The following XPNPEP1 variants were observed in gnomAD, a reference collection of about 807,000 sequenced individuals.
XPNPEP1 encodes the protein X-prolyl aminopeptidase 1, also known as xaa-Pro aminopeptidase 1.
Under a neutral mutation model 92.4 loss-of-function variants are expected in XPNPEP1, and 39 were observed. The observed-to-expected ratio is 0.42, with a 90% CI of 0.33 to 0.55. The LOEUF (loss-of-function observed/expected upper bound fraction) is 0.55. XPNPEP1 is among the 20% of genes least tolerant of loss of function. The pLI is 0.08. For missense variants in XPNPEP1, 654 were observed against 856.1 expected (o/e 0.76, Z 2.95); for synonymous variants, 307 against 299.4 (o/e 1.03, Z -0.26).
Position 109,895,680 on chromosome 10 carries a change from C to T in XPNPEP1, c.247-2605G>A, listed in dbSNP as rs146664295. On this transcript the variant is annotated intron_variant, in intron 3 of 20. Coordinates refer to ENST00000502935, the MANE Select transcript of XPNPEP1 (RefSeq NM_020383.4). ...CAGGGGCGGTCTCCTTAGAACACAG[C>T]ATAGGGCCTAAAATAAACCAAAGCT... Among the ~76,000 whole-genome samples, 49 of 152,362 alleles carry T rather than the reference C, an allele frequency of 3.2e-4. No individual in the cohort carries two copies. The East Asian group carries it at 9.5e-3, about 29-fold the overall frequency.
At chr10:109,920,167 T>C (rs972308000) in intron 1 of XPNPEP1, among the ~76,000 whole-genome samples, 1 of 152,144 alleles carries the variant, frequency 6.6e-6, no homozygotes. Context: ...ATGTCCAGAA[T>C]AGGCAAATCG....
chr10:109,919,116 G>A lies in XPNPEP1; in HGVS notation c.33-4017C>T, dbSNP rs193250079. Among the ~76,000 whole-genome samples, 4 of 152,198 alleles carry A rather than the reference G, an allele frequency of 2.6e-5. No individual in the cohort carries two copies. The East Asian group carries it at 7.7e-4, about 29-fold the overall frequency. On this transcript the variant is annotated intron_variant, in intron 1 of 20. Transcript: ENST00000502935. ...CTTTAGACACAAATCAAAAAGCACA[G>A]CAACAAAAGAAAAAAGAGATACACT... is the stretch of plus-strand genomic sequence containing the variant.
chr10:109,898,419 T>C (rs199752238), intron 3 of XPNPEP1, among the ~76,000 whole-genome samples: 1 of 152,316 alleles, frequency 6.6e-6, no homozygotes, highest in East Asian at 1.9e-4. Flanking sequence ...TTAACACTAA[T>C]AAACAGCCAT....
At chr10:109,911,894 T>C (rs1208133175) in intron 2 of XPNPEP1, among the ~76,000 whole-genome samples, 1 of 152,218 alleles carries the variant, frequency 6.6e-6, no homozygotes, top group Non-Finnish European at 1.5e-5. Context: ...TGACTGGGTG[T>C]TTAGTGCTGA....
chr10:109,882,377 C>T lies in XPNPEP1; in HGVS notation c.1041+55G>A, dbSNP rs2133401421. On this transcript the variant is annotated intron_variant, in intron 10 of 20. Transcript: ENST00000502935. ...ATCTGCCTGTGCTCCAAAGACAATA[C>T]CAGAACTGGGAAGGGGGTGGCAGAG... is the stretch of plus-strand genomic sequence containing the variant. The T allele has an allele frequency of 2.5e-6, 4 of 1,579,228 alleles. No individual in the cohort carries two copies. The South Asian group carries it at 3.4e-5, about 13-fold the overall frequency.
At chr10:109,913,388 G>A (rs545299985) in intron 2 of XPNPEP1, among the ~76,000 whole-genome samples, 4 of 152,310 alleles carry the variant, frequency 2.6e-5, no homozygotes, top group South Asian at 2.1e-4. Context: ...CCCAAGTCTC[G>A]TTATAAGAAT....
chr10:109,909,879 C>G (rs1215229467), intron 2 of XPNPEP1, among the ~76,000 whole-genome samples: 1 of 152,182 alleles, frequency 6.6e-6, no homozygotes, highest in Non-Finnish European at 1.5e-5. Context: ...AACACACACA[C>G]AGCCCCCTGC....
intron 15 of XPNPEP1, among the ~76,000 whole-genome samples, chr10:109,874,078 T>C (rs1000310690): frequency 3.9e-5 from 6 of 152,162 alleles, no homozygotes; most frequent in African/African-American, 1.2e-4. Context: ...ACTCTGTGAA[T>C]ATATAAAAAA....
At chr10:109,883,565 C>A (rs942368584) in intron 9 of XPNPEP1, among the ~76,000 whole-genome samples, 3 of 152,134 alleles carry the variant, frequency 2.0e-5, no homozygotes, top group Non-Finnish European at 4.4e-5. Context: ...CTAACAGAGA[C>A]CCTTAGCACA....
chr10:109,909,919 C>T (rs1849771213), intron 2 of XPNPEP1, among the ~76,000 whole-genome samples: 1 of 152,184 alleles, frequency 6.6e-6, no homozygotes, highest in Admixed American at 6.5e-5. Flanking sequence ...CAGAGTAGTA[C>T]ATTTGTTAAA....
intron 1 of XPNPEP1, among the ~76,000 whole-genome samples, chr10:109,921,683 T>A (rs1156825703): frequency 6.6e-6 from 1 of 152,216 alleles, no homozygotes; most frequent in African/African-American, 2.4e-5. Context: ...AATCCATCCC[T>A]CCTTTTGATG....
intron 1 of XPNPEP1, among the ~76,000 whole-genome samples, chr10:109,921,579 C>T (rs758465436): frequency 6.6e-6 from 1 of 152,190 alleles, no homozygotes; most frequent in Non-Finnish European, 1.5e-5. Flanking sequence ...AAACAAGGAA[C>T]AAGATGCTCA....
chr10:109,915,491 GC>G (rs1358254621), intron 1 of XPNPEP1, among the ~76,000 whole-genome samples: 1 of 151,586 alleles, frequency 6.6e-6, no homozygotes, highest in African/African-American at 2.4e-5. Flanking sequence ...ATTACTGTAG[GC>G]CCTTATTTTA....
intron 19 of XPNPEP1, 78 bp downstream of exon 19, chr10:109,869,875 G>A: frequency 7.1e-7 from 1 of 1,413,322 alleles, no homozygotes; most frequent in South Asian, 1.2e-5. Context: ...CGCAGTGGCA[G>A]TATTGTAGCC....
chr10:109,894,526 T>C (rs1424572486), intron 3 of XPNPEP1, among the ~76,000 whole-genome samples: 1 of 149,408 alleles, frequency 6.7e-6, no homozygotes. Context: ...GAGTGAGACC[T>C]TGTCTCAAAA....
intron 5 of XPNPEP1, chr10:109,891,457 A>C: frequency 3.2e-6 from 1 of 316,672 alleles, no homozygotes. Flanking sequence ...ATGCACAGCA[A>C]TGTGATCTGC....
In XPNPEP1 at chr10:109,923,397, C is replaced by G; in HGVS notation, c.32+5G>C. 1 of 1,439,624 alleles carries G rather than the reference C, an allele frequency of 6.9e-7. No individual in the cohort carries two copies. Among genetic ancestry groups the G allele is most frequent in the East Asian group, 3.2e-5 (1 of 30,944 alleles). The allele number at this position is 1,439,624 out of a possible 1,614,324, so 89.2% of individuals were successfully genotyped here. On this transcript the variant is annotated splice_donor_5th_base_variant and intron_variant, in intron 1 of 20. Transcript: ENST00000502935. ...GGACGCCGGCTGCCGGCGGAGTGCC[C>G]TCACCTTACTCGCGGTGGCTTTCTG... is the stretch of plus-strand genomic sequence containing the variant.
chr10:109,922,542 C>T (rs1345097225), intron 1 of XPNPEP1, among the ~76,000 whole-genome samples: 1 of 152,174 alleles, frequency 6.6e-6, no homozygotes, highest in Non-Finnish European at 1.5e-5. Flanking sequence ...CCCCTACTCA[C>T]AAACACAAGC....
intron 2 of XPNPEP1, among the ~76,000 whole-genome samples, chr10:109,911,534 A>G (rs1044153891): frequency 6.6e-6 from 1 of 152,220 alleles, no homozygotes; most frequent in Non-Finnish European, 1.5e-5. Flanking sequence ...AATAAAGCCC[A>G]TTGTGATCTC....
Sources: gnomAD v4.1 joint callset for allele counts (sites outside exome capture counted in the v4.1 genomes callset) on GRCh38, gnomAD v4.1.1 for gene constraint, MANE v1.5 for transcripts, NCBI Gene and HGNC (gene_info 2026-07-23, HGNC 2026-07-21) for gene names.